TNRC6B: variants seen among roughly 807,000 people sequenced by gnomAD.
TNRC6B encodes the protein trinucleotide repeat-containing gene 6B protein.
Under a neutral mutation model 203.6 loss-of-function variants are expected in TNRC6B, and 52 were observed. The ratio of observed to expected loss-of-function variants is 0.26; its 90% CI spans 0.20 to 0.32. TNRC6B has a LOEUF of 0.32. Ranked by LOEUF, TNRC6B falls within the 10% of genes least tolerant of loss-of-function variation. The pLI, the probability that TNRC6B is intolerant of heterozygous loss-of-function variation, is 1.00. For synonymous variants in TNRC6B, 838 were observed against 845.7 expected (o/e 0.99, Z 0.16); for missense variants, 1,923 against 2,286.2 (o/e 0.84, Z 3.24).
intron 1 of TNRC6B, among the ~76,000 whole-genome samples, chr22:40,181,671 G>T (rs555165086): frequency 6.6e-6 from 1 of 152,222 alleles, no homozygotes; most frequent in South Asian, 2.1e-4. Flanking sequence ...TAGGCCAGTC[G>T]TGGTGGCTCA....
At chr22:40,141,204 C>CTTTTTTTTT (rs757105010) in intron 3 of TNRC6B, among the ~76,000 whole-genome samples, 4 of 75,692 alleles carry the variant, frequency 5.3e-5, no homozygotes, top group Admixed American at 3.9e-4. Flanking sequence ...AAATTCTGTC[C>CTTTTTTTTT]TTTTTTTTTT....
chr22:40,211,728 AG>A (rs1157349087), intron 1 of TNRC6B, among the ~76,000 whole-genome samples: 1 of 152,182 alleles, frequency 6.6e-6, no homozygotes, highest in African/African-American at 2.4e-5. Context: ...GGGTGTCTCC[AG>A]GAGAACTCCG....
chr22:40,196,551 T>A (rs1266145898), intron 1 of TNRC6B, among the ~76,000 whole-genome samples: 1 of 152,080 alleles, frequency 6.6e-6, no homozygotes, highest in Non-Finnish European at 1.5e-5. Context: ...AACAGCTTAT[T>A]TGTTCATTTC....
intron 1 of TNRC6B, among the ~76,000 whole-genome samples, chr22:40,235,791 T>C (rs9619856): frequency 0.011 from 1,616 of 152,314 alleles, 24 homozygotes; most frequent in African/African-American, 0.037. Context: ...TAAGATGAAG[T>C]GTAGATTCTA....
rs191865904 is a variant in TNRC6B at position 40,086,060 on chromosome 22, G to A, written c.-120-30995G>A. On this transcript the variant is annotated intron_variant, in intron 1 of 23. Coordinates refer to the TNRC6B transcript ENST00000301923. The stretch of plus-strand genomic sequence containing the variant: ...TAATTTTTACTTTTTTTGTAGAGAC[G>A]GGGTCTTGCCATGTTGCCCAGGCTG... 3.3e-3 allele frequency among the ~76,000 whole-genome samples: 495 copies of A among 152,090 alleles called. 4 individuals carry two copies. Among genetic ancestry groups the A allele is most frequent in the Middle Eastern group, 0.017 (5 of 294 alleles).
At chr22:40,118,834 C>A (rs957799021) in intron 2 of TNRC6B, among the ~76,000 whole-genome samples, 1 of 152,154 alleles carries the variant, frequency 6.6e-6, no homozygotes, top group Non-Finnish European at 1.5e-5. Context: ...AGGAAGGAAT[C>A]ATTATTTCTG....
rs752652753 is a variant in TNRC6B at position 40,308,481 on chromosome 22, G to C, written c.4121-31G>C. On this transcript the variant is annotated intron_variant, in intron 15 of 22. Transcript: ENST00000454349. ...CAGAACTCTTGATACTGATGCTGGA[G>C]ACTTATAAAATGTGGTCTTCTCCTT... 3.1e-6 allele frequency: 5 copies of C among 1,613,682 alleles called. No homozygotes were observed. In the East Asian group the frequency reaches 8.9e-5, roughly 29 times the overall value.
chr22:40,200,282 T>A (rs1357292416), intron 1 of TNRC6B, among the ~76,000 whole-genome samples: 1 of 111,140 alleles, frequency 9.0e-6, no homozygotes, highest in Admixed American at 8.8e-5. Context: ...AATATTCTTT[T>A]TTTTTTTTTT....
chr22:40,095,426 T>A (rs749712009), intron 1 of TNRC6B, among the ~76,000 whole-genome samples: 3 of 152,144 alleles, frequency 2.0e-5, no homozygotes, highest in Non-Finnish European at 4.4e-5. Flanking sequence ...ATCTAATGAT[T>A]GACCAGAGCT....
chr22:40,167,856 C>T (rs367789693), intron 4 of TNRC6B, among the ~76,000 whole-genome samples: 4 of 151,912 alleles, frequency 2.6e-5, no homozygotes, highest in African/African-American at 7.3e-5. Context: ...GGCAACAGAG[C>T]GAGACCTTGT....
At position 40,270,205 on chromosome 22, in the gene TNRC6B, G is replaced by T; in HGVS notation, c.2890G>T (p.Glu964Ter). The T allele has an allele frequency of 8.3e-6, 13 of 1,559,278 alleles. No individual in the cohort carries two copies. The highest frequency in any genetic ancestry group is 1.1e-5 in the Non-Finnish European group (13 of 1,151,330). Residue 964 changes from glutamate (E) to a stop codon, truncating the protein, a stop_gained, in exon 6 of 23, where the codon GAG (glutamate) becomes TAG (stop). Coordinates refer to ENST00000454349, the MANE Select transcript of TNRC6B (RefSeq NM_001162501.2). LOFTEE classifies it high-confidence loss of function. ...EPNESSPGWG[E>*]MDDTGASTTG... ...AAATGAAAGCAGTCCTGGGTGGGGC[G>T]AGATGGATGATACAGGAGCATCGAC...
intron 3 of TNRC6B, among the ~76,000 whole-genome samples, chr22:40,145,864 T>C (rs1408620849): frequency 6.7e-6 from 1 of 149,546 alleles, no homozygotes; most frequent in Non-Finnish European, 1.5e-5. Flanking sequence ...GGTTTGGGAG[T>C]GAATAGGATG....
intron 1 of TNRC6B, among the ~76,000 whole-genome samples, chr22:40,096,574 G>T (rs1297391475): frequency 2.6e-5 from 4 of 152,114 alleles, no homozygotes; most frequent in Non-Finnish European, 4.4e-5. Flanking sequence ...TTATGCCCCA[G>T]CCAAGGAGAT....
Position 40,266,297 on chromosome 22 carries a change from G to T in TNRC6B, c.2067G>T (p.Trp689Cys), listed in dbSNP as rs773372866. The T allele has an allele frequency of 7.5e-6, 12 of 1,593,438 alleles. No individual in the cohort carries two copies. Among genetic ancestry groups the T allele is most frequent in the Non-Finnish European group, 9.4e-6 (11 of 1,169,574 alleles). ...GGGAGCTCTCAGCCTCTACAGAGTG[G>T]AAAGACCCCAAGAACACAGGAGGCT... ...GWGELSASTE[W>C]KDPKNTGGWN... is the part of the protein sequence containing the mutation. Residue 689 changes from tryptophan to cysteine, a missense_variant, in exon 5 of 23, where the codon TGG becomes TGT. Trp to Cys is a radical substitution (Grantham distance 215). Around this residue, in one of 8 missense-constraint regions of TNRC6B, gnomAD observed 599 missense variants for 656.5 expected, o/e 0.91. Transcript: ENST00000454349.
chr22:40,149,719 G>A (rs1375663968), intron 3 of TNRC6B, among the ~76,000 whole-genome samples: 1 of 148,014 alleles, frequency 6.8e-6, no homozygotes, highest in African/African-American at 2.5e-5. Context: ...AGAGGGGCAT[G>A]ATGAAACTTT....
chr22:40,301,318 C>G lies in TNRC6B; in HGVS notation c.4105C>G (p.Pro1369Ala). 6.2e-7 allele frequency: 1 copy of G among 1,606,540 alleles called. No homozygotes were observed. Among genetic ancestry groups the G allele is most frequent in the South Asian group, 1.1e-5 (1 of 89,468 alleles). ...LPDLQTKGPI[P>A]GYGSGFSSGG... ...AGACCTTCAAACCAAAGGGCCAATACCTGGATATGGTTCTGGTAAGTTGTT... is the reference window on the plus strand; with the variant it reads ...AGACCTTCAAACCAAAGGGCCAATAGCTGGATATGGTTCTGGTAAGTTGTT... Residue 1369 changes from proline (P) to alanine (A), a missense_variant, in exon 15 of 23, where the codon CCT becomes GCT. Physicochemically the swap from Pro to Ala is conservative, Grantham distance 27. Coordinates refer to ENST00000454349, the MANE Select transcript of TNRC6B (RefSeq NM_001162501.2).
Position 40,329,514 on chromosome 22 carries a change from G to A in TNRC6B, c.*6273G>A, listed in dbSNP as rs2071442179. On this transcript the variant is annotated 3_prime_UTR_variant, in exon 23 of 23. Coordinates refer to ENST00000454349, the MANE Select transcript of TNRC6B (RefSeq NM_001162501.2). ...AAATAATTATCAGCTCCAAGAATCT[G>A]TGAACATAGTAATAACAATAAAAAT... 6.6e-6 allele frequency: 1 copy of A among 151,940 alleles called. No individual in the cohort carries two copies. The highest frequency in any genetic ancestry group is 3.2e-3 in the Middle Eastern group (1 of 312). 9.4% of individuals were successfully genotyped at this position (151,940 alleles called of 1,614,324 possible). A position where few individuals can be genotyped will look rare whatever the true frequency, so the allele number is the denominator to read the frequency against.
At chr22:40,248,050 G>A (rs1443363727) in intron 2 of TNRC6B, among the ~76,000 whole-genome samples, 1 of 151,900 alleles carries the variant, frequency 6.6e-6, no homozygotes, top group African/African-American at 2.4e-5. Flanking sequence ...ACCCCAGCCT[G>A]GGTGACAGAG....
chr22:40,219,242 T>C (rs2069676094), intron 1 of TNRC6B, among the ~76,000 whole-genome samples: 1 of 152,212 alleles, frequency 6.6e-6, no homozygotes, highest in African/African-American at 2.4e-5. Flanking sequence ...ACTTAGTACA[T>C]GGGCAGTAAA....
Sources: gnomAD v4.1 joint callset for allele counts (sites outside exome capture counted in the v4.1 genomes callset) on GRCh38, gnomAD v4.1.1 for gene constraint, gnomAD v4.1.1 regional missense constraint, MANE v1.5 for transcripts, NCBI Gene and HGNC (gene_info 2026-07-23, HGNC 2026-07-21) for gene names.